AUTS2: variants seen among roughly 807,000 people sequenced by gnomAD.
The protein encoded by AUTS2 is activator of transcription and developmental regulator AUTS2.
In AUTS2, 17 loss-of-function variants were observed where a neutral mutation model predicts 112.4. The ratio of observed to expected loss-of-function variants is 0.15; its 90% CI spans 0.10 to 0.23. AUTS2 has a LOEUF of 0.23. Among genes scored for constraint, AUTS2 ranks in the 10% least tolerant of loss-of-function variants. The pLI, the probability that AUTS2 is intolerant of heterozygous loss-of-function variation, is 1.00. For missense variants in AUTS2, 1,510 were observed against 1,701.6 expected (o/e 0.89, Z 1.98); for synonymous variants, 751 against 702.7 (o/e 1.07, Z -1.09).
intron 5 of AUTS2, among the ~76,000 whole-genome samples, chr7:70,538,285 T>A (rs1258026281): frequency 2.0e-5 from 3 of 152,182 alleles, no homozygotes; most frequent in East Asian, 1.9e-4. Flanking sequence ...CCCAGCACTT[T>A]GAGAGGTCAA....
At chr7:70,225,242 A>C (rs772309799) in intron 4 of AUTS2, among the ~76,000 whole-genome samples, 3 of 152,194 alleles carry the variant, frequency 2.0e-5, no homozygotes, top group Non-Finnish European at 4.4e-5. Context: ...AAAGAAATAA[A>C]ATCCCTTAGA....
At chr7:70,341,197 G>C (rs1310235072) in intron 4 of AUTS2, among the ~76,000 whole-genome samples, 1 of 152,170 alleles carries the variant, frequency 6.6e-6, no homozygotes, top group Non-Finnish European at 1.5e-5. Flanking sequence ...GTCTCAATCA[G>C]GTGATATCAT....
chr7:69,832,233 A>G lies in AUTS2; in HGVS notation c.310-67053A>G, dbSNP rs779159872. On this transcript the variant is annotated intron_variant, in intron 1 of 18. Transcript: ENST00000342771. ...AAACCTTTTGTTTCTTTCTTCTTTA[A>G]TAACAACAGTGTTTCTTACCCTGGT... 3.0e-4 allele frequency among the ~76,000 whole-genome samples: 45 copies of G among 152,250 alleles called. 1 individual carries two copies. The highest frequency in any genetic ancestry group is 6.8e-3 in the Middle Eastern group (2 of 294).
At chr7:70,632,630 C>T (rs1217551275) in intron 5 of AUTS2, among the ~76,000 whole-genome samples, 2 of 152,010 alleles carry the variant, frequency 1.3e-5, no homozygotes, top group Non-Finnish European at 2.9e-5. Context: ...CTGACACTCC[C>T]CTCCCTTCCA....
intron 1 of AUTS2, among the ~76,000 whole-genome samples, chr7:69,828,075 A>G (rs889878425): frequency 4.6e-5 from 7 of 152,222 alleles, no homozygotes; most frequent in Non-Finnish European, 7.3e-5. Flanking sequence ...GGAGATGTCA[A>G]TGCGAATTTG....
At chr7:70,590,122 T>G (rs536780109) in intron 5 of AUTS2, among the ~76,000 whole-genome samples, 53 of 143,598 alleles carry the variant, frequency 3.7e-4, no homozygotes, top group African/African-American at 1.3e-3. Flanking sequence ...GTTTTTGCAT[T>G]TGTGTGTGTG....
At chr7:69,934,228 T>C (rs1796326299) in intron 2 of AUTS2, among the ~76,000 whole-genome samples, 1 of 152,134 alleles carries the variant, frequency 6.6e-6, no homozygotes, top group African/African-American at 2.4e-5. Flanking sequence ...GAGGTGACAG[T>C]AAGGAGGGCA....
intron 2 of AUTS2, among the ~76,000 whole-genome samples, chr7:70,117,456 T>C (rs1031191412): frequency 1.3e-5 from 2 of 152,168 alleles, no homozygotes; most frequent in Admixed American, 6.5e-5. Flanking sequence ...GAAATCATAG[T>C]TGGTGTAATC....
intron 1 of AUTS2, among the ~76,000 whole-genome samples, chr7:69,692,427 G>A (rs576193): frequency 0.61 from 93,433 of 152,032 alleles, 29,014 homozygotes; most frequent in East Asian, 0.7. Context: ...CGTGTGTGAT[G>A]ATTTTATTGG....
intron 2 of AUTS2, among the ~76,000 whole-genome samples, chr7:70,110,377 G>C (rs902180352): frequency 1.3e-5 from 2 of 152,086 alleles, no homozygotes; most frequent in Non-Finnish European, 2.9e-5. Flanking sequence ...TCAGCCAGGC[G>C]TGGTGGTGGG....
intron 5 of AUTS2, among the ~76,000 whole-genome samples, chr7:70,509,156 C>G (rs767016024): frequency 3.9e-5 from 6 of 152,228 alleles, no homozygotes; most frequent in Non-Finnish European, 7.3e-5. Context: ...AGTGCCATTA[C>G]TTCATTCAAG....
chr7:70,290,321 T>C (rs1788651226), intron 4 of AUTS2: 2 of 1,449,002 alleles, frequency 1.4e-6, no homozygotes, highest in East Asian at 5.5e-5. Context: ...TCAGAGGGCA[T>C]TTAACATTCT....
chr7:70,294,229 C>T (rs545476496), intron 4 of AUTS2: 1 of 152,176 alleles, frequency 6.6e-6, no homozygotes, highest in East Asian at 1.9e-4. Flanking sequence ...GTAATTGTTA[C>T]CTAAATGTTT....
At chr7:70,773,304 G>C (rs79022956) in intron 11 of AUTS2, among the ~76,000 whole-genome samples, 4,453 of 152,214 alleles carry the variant, frequency 0.029, 217 homozygotes, top group African/African-American at 0.1. Flanking sequence ...GTCGTGTCCT[G>C]AATCCTTTCC....
At chr7:70,310,118 G>A (rs1585002793) in intron 4 of AUTS2, among the ~76,000 whole-genome samples, 1 of 150,824 alleles carries the variant, frequency 6.6e-6, no homozygotes, top group East Asian at 2.0e-4. Context: ...AAAGGGAGAT[G>A]AAAACAAACT....
At chr7:70,407,722 C>T (rs1562939961) in intron 4 of AUTS2, among the ~76,000 whole-genome samples, 2 of 151,016 alleles carry the variant, frequency 1.3e-5, no homozygotes, top group African/African-American at 2.4e-5. Flanking sequence ...AGTTCAAGAC[C>T]GACCTGGGCA....
chr7:69,914,452 A>G (rs909122945), intron 2 of AUTS2, among the ~76,000 whole-genome samples: 4 of 151,450 alleles, frequency 2.6e-5, no homozygotes, highest in African/African-American at 7.3e-5. Context: ...GGGATATGCA[A>G]TGTAAAATAA....
At chr7:70,069,792 G>T (rs1217615206) in intron 2 of AUTS2, among the ~76,000 whole-genome samples, 1 of 151,066 alleles carries the variant, frequency 6.6e-6, no homozygotes, top group African/African-American at 2.4e-5. Context: ...GAATATCAGG[G>T]TATAAAATAT....
chr7:70,078,452 ACT>A (rs1426689700), intron 2 of AUTS2, among the ~76,000 whole-genome samples: 3 of 152,290 alleles, frequency 2.0e-5, no homozygotes, highest in Middle Eastern at 3.4e-3. Context: ...CTCATGGGTG[ACT>A]GAAACCACAG....
Sources: gnomAD v4.1 joint callset for allele counts (sites outside exome capture counted in the v4.1 genomes callset) on GRCh38, gnomAD v4.1.1 for gene constraint, MANE v1.5 for transcripts, NCBI Gene and HGNC (gene_info 2026-07-23, HGNC 2026-07-21) for gene names.